Variants in CTSD observed in about 807,000 individuals in gnomAD.
CTSD encodes the protein ceroid-lipofuscinosis, neuronal 10.
CTSD carries 28 observed loss-of-function variants against 43.6 expected under a neutral mutation model. The ratio of observed to expected loss-of-function variants is 0.64; its 90% CI spans 0.48 to 0.88. The LOEUF (loss-of-function observed/expected upper bound fraction) is 0.88, where lower values mean the gene tolerates loss of function less well. CTSD is among the 40% of genes least tolerant of loss of function. CTSD has a pLI of 0.00. For synonymous variants in CTSD, 270 were observed against 249.8 expected (o/e 1.08, Z -0.76); for missense variants, 485 against 555.2 (o/e 0.87, Z 1.27).
intron 5 of CTSD, 39 bp from the exon 6 acceptor site, chr11:1,755,067 C>T (rs1337474063): frequency 5.0e-6 from 8 of 1,612,734 alleles, no homozygotes; most frequent in Non-Finnish European, 6.8e-6. Flanking sequence ...CACGCCACCC[C>T]CCAAGCACAA....
chr11:1,757,034 T>A (rs1056945149), intron 5 of CTSD, among the ~76,000 whole-genome samples: 1 of 152,138 alleles, frequency 6.6e-6, no homozygotes, highest in Non-Finnish European at 1.5e-5. Flanking sequence ...CTGACCTGGG[T>A]CCATTCTCAT....
Position 1,759,084 on chromosome 11 carries a change from A to T in CTSD, c.356T>A (p.Ile119Asn). Residue 119 changes from isoleucine (I) to asparagine (N), a missense_variant, in exon 4 of 9, where the codon ATC (isoleucine) becomes AAC (asparagine). Coordinates refer to ENST00000236671, the MANE Select transcript of CTSD (RefSeq NM_001909.5). ...CTTGTCGCTGTTGTACTTGTGGTGG[A>T]TCCCTGCCCCGGGCGACAAGGGGGC... ...HCKLLDIACW[I>N]HHKYNSDKSS... 1.2e-6 allele frequency: 2 copies of T among 1,612,454 alleles called. No homozygotes were observed. Among genetic ancestry groups the T allele is most frequent in the Middle Eastern group, 3.3e-4 (2 of 6,060 alleles).
In CTSD at chr11:1,752,780, G is replaced by C. The variant is rs1845742377; in HGVS notation, c.*723C>G. The stretch of plus-strand genomic sequence containing the variant: ...GAGGGGAGGCCGGAGGCCAACAACT[G>C]TATTTCCATGTCAGCTGGGGCTCTC... On this transcript the variant is annotated 3_prime_UTR_variant, in exon 9 of 9. Coordinates refer to ENST00000236671, the MANE Select transcript of CTSD (RefSeq NM_001909.5). 1 of 155,118 alleles carries C rather than the reference G, an allele frequency of 6.4e-6. No individual in the cohort carries two copies. The highest frequency in any genetic ancestry group is 2.4e-5 in the African/African-American group (1 of 41,478). The allele number at this position is 155,118 out of a possible 1,614,324, so 9.6% of individuals were successfully genotyped here. A position where few individuals can be genotyped will look rare whatever the true frequency, so the allele number is the denominator to read the frequency against.
intron 2 of CTSD, 71 bp from the exon 3 acceptor site, chr11:1,759,710 G>A (rs770281196): frequency 6.1e-5 from 92 of 1,515,450 alleles, no homozygotes; most frequent in Non-Finnish European, 7.3e-5. Context: ...CAGAAGGCCC[G>A]GCTGTCCCCA....
chr11:1,756,214 C>T (rs1257557063), intron 5 of CTSD, among the ~76,000 whole-genome samples: 2 of 152,150 alleles, frequency 1.3e-5, no homozygotes, highest in African/African-American at 4.8e-5. Context: ...GCTGTGTGCC[C>T]CCTCCCCATG....
In CTSD at chr11:1,759,605, G is replaced by A; in HGVS notation, c.263C>T (p.Pro88Leu). ...GAAGACGACTGTGAAGCACTGGGGG[G>A]GCGTCCCGATGCCAATCTCCCCGTA... ...QYYGEIGIGT[P>L]PQCFTVVFDT... Residue 88 changes from proline to leucine, a missense_variant, in exon 3 of 9, where the codon CCC becomes CTC. Coordinates refer to ENST00000236671, the MANE Select transcript of CTSD (RefSeq NM_001909.5). 1.2e-6 allele frequency: 2 copies of A among 1,613,510 alleles called. No individual in the cohort carries two copies. Among genetic ancestry groups the A allele is most frequent in the Non-Finnish European group, 1.7e-6 (2 of 1,179,972 alleles).
chr11:1,761,384 G>A lies in CTSD; in HGVS notation c.153C>T (p.Pro51=), dbSNP rs560041488. The A allele has an allele frequency of 9.4e-5, 152 of 1,613,634 alleles. No homozygotes were observed. In the South Asian group the frequency reaches 1.3e-3, roughly 13 times the overall value. ...GSVEDLIAKG[P]VSKYSQAVPA... ...GCACCGCCTGGGAGTACTTTGAGAC[G>A]GGGCCTTTGGCAATCAGGTCCTCCA... Residue 51 remains proline, a synonymous_variant, in exon 2 of 9, where the codon CCC becomes CCT. Coordinates refer to ENST00000236671, the MANE Select transcript of CTSD (RefSeq NM_001909.5).
intron 6 of CTSD, among the ~76,000 whole-genome samples, chr11:1,754,689 G>C (rs1486433347): frequency 1.3e-5 from 2 of 150,720 alleles, no homozygotes; most frequent in Non-Finnish European, 3.0e-5. Context: ...GGAAATGGAG[G>C]GATGGAGGGA....
At chr11:1,760,552 CAT>C (rs1491318224) in intron 2 of CTSD, 1 of 152,460 alleles carries the variant, frequency 6.6e-6, no homozygotes, top group Non-Finnish European at 1.5e-5. Flanking sequence ...AGCAAATTTC[CAT>C]GTGTGTGTGT....
intron 6 of CTSD, 107 bp from the exon 7 acceptor site, chr11:1,754,245 C>T (rs1047769384): frequency 9.1e-6 from 12 of 1,320,338 alleles, no homozygotes; most frequent in Admixed American, 2.0e-5. Context: ...ACTCTCCTCC[C>T]CTCAGGGCTC....
Position 1,757,380 on chromosome 11 carries a change from G to A in CTSD, c.648C>T (p.Asp216=). 1 of 1,614,204 alleles carries A rather than the reference G, an allele frequency of 6.2e-7. No individual in the cohort carries two copies. ...ISVNNVLPVF[D]NLMQQKLVDQ... The stretch of plus-strand genomic sequence containing the variant: ...CCACCAGCTTCTGCTGCATCAGGTT[G>A]TCGAAGACGGGCAGCACGTTGTTGA... The change falls in exon 5 of 9, where the codon GAC becomes GAT. Residue 216 remains aspartate (D), a synonymous_variant. Transcript: ENST00000236671.
chr11:1,757,590 C>G, intron 4 of CTSD, 34 bp from the exon 5 acceptor site: 1 of 1,542,386 alleles, frequency 6.5e-7, no homozygotes, highest in Non-Finnish European at 8.8e-7. Flanking sequence ...GGGCAGCAGA[C>G]AGGCTGAGCC....
At position 1,761,544 on chromosome 11, in the gene CTSD, C is replaced by T. The variant is rs748274187; in HGVS notation, c.69-76G>A. ...CGACGCTGCCAATGCTGCACATCCA[C>T]CTGGAGGCCCCTGGGGAATCTCAGA... is the stretch of plus-strand genomic sequence containing the variant. On this transcript the variant is annotated intron_variant, in intron 1 of 8. Transcript: ENST00000236671. 2.7e-6 allele frequency: 4 copies of T among 1,497,666 alleles called. No individual in the cohort carries two copies. In the East Asian group the frequency reaches 7.1e-5, roughly 26 times the overall value. 92.8% of individuals were successfully genotyped at this position (1,497,666 alleles called of 1,614,324 possible).
In CTSD at chr11:1,763,590, G is replaced by T. The variant is rs1382970901; in HGVS notation, c.68+202C>A. 5.8e-6 allele frequency: 3 copies of T among 521,592 alleles called. No individual in the cohort carries two copies. The African/African-American group carries it at 6.1e-5, about 11-fold the overall frequency. 32.3% of individuals were successfully genotyped at this position (521,592 alleles called of 1,614,324 possible). A position where few individuals can be genotyped will look rare whatever the true frequency, so the allele number is the denominator to read the frequency against. ...GAGGCATCTGGCGCCTCTGCCCCGG[G>T]TCCCCTGCACCTCCGGAGCCCGGCG... On this transcript the variant is annotated intron_variant, in intron 1 of 8. Transcript: ENST00000236671.
At chr11:1,759,436 C>T (rs1845847884) in intron 3 of CTSD, 80 bp downstream of exon 3, 7 of 1,592,614 alleles carry the variant, frequency 4.4e-6, no homozygotes, top group Non-Finnish European at 6.0e-6. Flanking sequence ...TTGCGTTGCC[C>T]AAGTGATTCC....
intron 5 of CTSD, among the ~76,000 whole-genome samples, chr11:1,755,560 A>G (rs1845799378): frequency 6.6e-6 from 1 of 152,142 alleles, no homozygotes; most frequent in Non-Finnish European, 1.5e-5. Context: ...TGGCCAGCCA[A>G]GGTGCTCCTG....
chr11:1,753,340 A>C lies in CTSD; in HGVS notation c.*163T>G, dbSNP rs1352390046. On this transcript the variant is annotated 3_prime_UTR_variant, in exon 9 of 9. Transcript: ENST00000236671. ...TTCTGAACCCAGGGAGGGGAAAACC[A>C]CAGAACAAAACAGCAAGTCGGGCTT... 4 of 785,234 alleles carry C rather than the reference A, an allele frequency of 5.1e-6. No homozygotes were observed. The highest frequency in any genetic ancestry group is 1.7e-5 in the African/African-American group (1 of 58,524). The allele number at this position is 785,234 out of a possible 1,614,324, so 48.6% of individuals were successfully genotyped here. A position where few individuals can be genotyped will look rare whatever the true frequency, so the allele number is the denominator to read the frequency against.
At position 1,753,386 on chromosome 11, in the gene CTSD, G is replaced by A. The variant is rs527778631; in HGVS notation, c.*117C>T. ...GGCTTGGGCCGCCGGCTTCCAGGGC[G>A]CCCAGGACAGTGGGCGGGCGAGTGT... On this transcript the variant is annotated 3_prime_UTR_variant, in exon 9 of 9. Transcript: ENST00000236671. 3.7e-4 allele frequency: 486 copies of A among 1,304,562 alleles called. 6 individuals carry two copies. In the South Asian group the frequency reaches 4.7e-3, roughly 13 times the overall value. 80.8% of individuals were successfully genotyped at this position (1,304,562 alleles called of 1,614,324 possible). A position where few individuals can be genotyped will look rare whatever the true frequency, so the allele number is the denominator to read the frequency against.
At chr11:1,754,296 T>A in intron 6 of CTSD, 158 bp from the exon 7 acceptor site, 1 of 737,920 alleles carries the variant, frequency 1.4e-6, no homozygotes, top group Non-Finnish European at 2.1e-6. Context: ...GGGAAGAGGG[T>A]GGGAGAGGAG....
Sources: gnomAD v4.1 joint callset for allele counts (sites outside exome capture counted in the v4.1 genomes callset) on GRCh38, gnomAD v4.1.1 for gene constraint, MANE v1.5 for transcripts, NCBI Gene and HGNC (gene_info 2026-07-23, HGNC 2026-07-21) for gene names.